NRXN3: variants seen among roughly 807,000 people sequenced by gnomAD.
NRXN3 encodes neurexin 3, also known as neurexin III.
In NRXN3, 32 loss-of-function variants were observed where a neutral mutation model predicts 137.6. That is an observed-to-expected ratio of 0.23 (90% CI 0.18 to 0.31). The LOEUF (loss-of-function observed/expected upper bound fraction) is 0.31. Ranked by LOEUF, NRXN3 falls within the 10% of genes least tolerant of loss-of-function variation. NRXN3 has a pLI of 1.00. For synonymous variants in NRXN3, 798 were observed against 784.5 expected, an observed-to-expected ratio of 1.02 and a Z score of -0.29; for missense variants, 1,574 against 2,062.5, an observed-to-expected ratio of 0.76 and a Z score of 4.59.
chr14:79,196,057 A>G (rs553735464), intron 15 of NRXN3, among the ~76,000 whole-genome samples: 41 of 152,308 alleles, frequency 2.7e-4, no homozygotes, highest in African/African-American at 9.6e-4. Flanking sequence ...TCAAGTTATA[A>G]TCTAAAATCC....
chr14:78,740,215 G>T (rs2098558433), intron 8 of NRXN3, among the ~76,000 whole-genome samples: 1 of 152,106 alleles, frequency 6.6e-6, no homozygotes, highest in Non-Finnish European at 1.5e-5. Flanking sequence ...TTTTCTATTA[G>T]AAACCATTTG....
At chr14:78,345,405 A>C (rs2082612329) in intron 4 of NRXN3, among the ~76,000 whole-genome samples, 1 of 152,222 alleles carries the variant, frequency 6.6e-6, no homozygotes, top group Non-Finnish European at 1.5e-5. Flanking sequence ...GCTAAGTCTT[A>C]CGATTTTGAA....
Position 78,914,286 on chromosome 14 carries a change from A to G in NRXN3, c.2276-42956A>G, listed in dbSNP as rs184500482. On this transcript the variant is annotated intron_variant, in intron 10 of 20. Coordinates refer to ENST00000335750, the MANE Select transcript of NRXN3 (RefSeq NM_001330195.2). ...CCAAATATGTGCTAAGCATTGTCCA[A>G]GGAAGCTGAGGGTATAACTATGAAC... Among the ~76,000 whole-genome samples, 6 of 152,366 alleles carry G rather than the reference A, an allele frequency of 3.9e-5. No individual in the cohort carries two copies. In the East Asian group the frequency reaches 1.2e-3, roughly 29 times the overall value.
At chr14:78,411,676 G>A (rs543622544) in intron 4 of NRXN3, among the ~76,000 whole-genome samples, 49 of 152,286 alleles carry the variant, frequency 3.2e-4, no homozygotes, top group African/African-American at 1.1e-3. Flanking sequence ...ATCTGGTGAT[G>A]GGGAAGCCCC....
chr14:78,946,800 A>G (rs1045257530), intron 10 of NRXN3, among the ~76,000 whole-genome samples: 7 of 152,168 alleles, frequency 4.6e-5, no homozygotes, highest in South Asian at 2.1e-4. Flanking sequence ...TGCGTCATAC[A>G]TGGCCAGGCT....
At chr14:79,039,482 A>G (rs1002863779) in intron 15 of NRXN3, among the ~76,000 whole-genome samples, 3 of 152,060 alleles carry the variant, frequency 2.0e-5, no homozygotes, top group African/African-American at 7.2e-5. Context: ...ACTGCTTCTG[A>G]GGGACAAGGC....
chr14:78,435,748 C>A (rs1284095569), intron 4 of NRXN3, among the ~76,000 whole-genome samples: 7 of 152,222 alleles, frequency 4.6e-5, no homozygotes, highest in South Asian at 2.1e-4. Flanking sequence ...GCCAGTGAGA[C>A]TTTTTCCAAA....
In NRXN3 at chr14:79,833,968, G is replaced by A. The variant is rs117385495; in HGVS notation, c.4094-27374G>A. 4.8e-3 allele frequency among the ~76,000 whole-genome samples: 725 copies of A among 152,196 alleles called. 3 individuals are homozygous for A. The highest frequency in any genetic ancestry group is 0.014 in the Middle Eastern group (4 of 292). ...AGTGACAACATCTTGTATGTAAACA[G>A]GCAGAGGAAAAGAGTTCTGGCTGCC... On this transcript the variant is annotated intron_variant, in intron 20 of 20. Coordinates refer to ENST00000335750, the MANE Select transcript of NRXN3 (RefSeq NM_001330195.2).
chr14:78,503,060 A>G (rs1473446152), intron 4 of NRXN3, among the ~76,000 whole-genome samples: 1 of 152,184 alleles, frequency 6.6e-6, no homozygotes, highest in Non-Finnish European at 1.5e-5. Flanking sequence ...TATATTAAAC[A>G]TCACTGGCAG....
At chr14:79,610,273 A>T (rs2098082990) in intron 16 of NRXN3, among the ~76,000 whole-genome samples, 1 of 152,208 alleles carries the variant, frequency 6.6e-6, no homozygotes, top group Non-Finnish European at 1.5e-5. Context: ...AAACATTGTT[A>T]TCTGGGTTCA....
chr14:78,705,749 T>C (rs1037788964), intron 6 of NRXN3, among the ~76,000 whole-genome samples: 9 of 152,208 alleles, frequency 5.9e-5, no homozygotes, highest in African/African-American at 2.2e-4. Flanking sequence ...TCAGAAGGGT[T>C]ATTCAGCTGT....
chr14:79,375,540 G>A (rs1328605459), intron 15 of NRXN3, among the ~76,000 whole-genome samples: 1 of 152,010 alleles, frequency 6.6e-6, no homozygotes, highest in Non-Finnish European at 1.5e-5. Context: ...GCAGCGGGAC[G>A]TGCACTTGAT....
At chr14:79,672,147 A>C (rs1174631349) in intron 17 of NRXN3, among the ~76,000 whole-genome samples, 1 of 151,992 alleles carries the variant, frequency 6.6e-6, no homozygotes, top group East Asian at 1.9e-4. Flanking sequence ...TTTTGCTGCA[A>C]CCCTCTGTAG....
intron 10 of NRXN3, among the ~76,000 whole-genome samples, chr14:78,939,686 GA>G (rs199964706): frequency 0.027 from 4,067 of 152,322 alleles, 77 homozygotes; most frequent in Non-Finnish European, 0.04. Context: ...GACCAAAATG[GA>G]TGTCACCAAT....
intron 2 of NRXN3, among the ~76,000 whole-genome samples, chr14:78,247,016 G>C (rs116485876): frequency 1.3e-5 from 2 of 152,198 alleles, no homozygotes; most frequent in African/African-American, 4.8e-5. Context: ...TGGAAGGTCC[G>C]TTTTGTACTT....
chr14:78,336,488 A>G (rs1400241586), intron 4 of NRXN3, among the ~76,000 whole-genome samples: 1 of 152,130 alleles, frequency 6.6e-6, no homozygotes, highest in African/African-American at 2.4e-5. Context: ...CAGGGGATTA[A>G]GGTCAAGACC....
chr14:78,873,729 T>A (rs961908360), intron 10 of NRXN3, among the ~76,000 whole-genome samples: 11 of 152,192 alleles, frequency 7.2e-5, no homozygotes, highest in African/African-American at 2.7e-4. Context: ...CAAAGTGTGA[T>A]CAGTGGTCTA....
At chr14:78,540,579 G>A (rs2096580449) in intron 4 of NRXN3, among the ~76,000 whole-genome samples, 1 of 152,036 alleles carries the variant, frequency 6.6e-6, no homozygotes, top group Non-Finnish European at 1.5e-5. Flanking sequence ...CAATTTGCCA[G>A]TCTGTGTCTT....
intron 15 of NRXN3, among the ~76,000 whole-genome samples, chr14:79,226,403 G>A (rs1278313113): frequency 6.6e-6 from 1 of 152,114 alleles, no homozygotes; most frequent in Admixed American, 6.5e-5. Flanking sequence ...TTACTTTATA[G>A]AATCGTTTAG....
Sources: allele counts gnomAD v4.1 joint callset (sites outside exome capture counted in the v4.1 genomes callset), GRCh38; gene constraint gnomAD v4.1.1; transcripts MANE v1.5; gene names NCBI Gene and HGNC (gene_info 2026-07-23, HGNC 2026-07-21).